SIPA1L1: variants seen among roughly 807,000 people sequenced by gnomAD.
SIPA1L1 encodes the protein signal-induced proliferation-associated 1-like protein 1.
SIPA1L1 carries 26 observed loss-of-function variants against 162.7 expected under a neutral mutation model. The ratio of observed to expected loss-of-function variants is 0.16; its 90% confidence interval spans 0.12 to 0.22. SIPA1L1 has a LOEUF of 0.22. Ranked by LOEUF, SIPA1L1 falls within the 10% of genes least tolerant of loss-of-function variation. The probability of loss-of-function intolerance (pLI) is 1.00; values close to 1 mark genes in which losing one functional copy is unlikely to be tolerated. For synonymous variants in SIPA1L1, 829 were observed against 837.4 expected (o/e 0.99, Z 0.17); for missense variants, 1,874 against 2,241.0 (o/e 0.84, Z 3.31).
At chr14:71,613,909 C>T (rs2038514232) in intron 5 of SIPA1L1, among the ~76,000 whole-genome samples, 1 of 152,008 alleles carries the variant, frequency 6.6e-6, no homozygotes, top group Admixed American at 6.6e-5. Flanking sequence ...TAGCTTAGAT[C>T]TCAAAATTGT....
At chr14:71,674,862 C>T (rs1295914583) in intron 12 of SIPA1L1, among the ~76,000 whole-genome samples, 1 of 151,752 alleles carries the variant, frequency 6.6e-6, no homozygotes, top group East Asian at 1.9e-4. Flanking sequence ...CCGCGCCCGG[C>T]CGCATTCCTG....
At chr14:71,572,136 A>G (rs1262547185) in intron 4 of SIPA1L1, among the ~76,000 whole-genome samples, 1 of 152,032 alleles carries the variant, frequency 6.6e-6, no homozygotes, top group Non-Finnish European at 1.5e-5. Context: ...TAAAGCTACC[A>G]GTTCTACTCC....
chr14:71,596,328 G>C (rs529119517), intron 5 of SIPA1L1, among the ~76,000 whole-genome samples: 4 of 152,246 alleles, frequency 2.6e-5, no homozygotes, highest in Admixed American at 2.6e-4. Flanking sequence ...TATTGACTAG[G>C]GGCTGCCCAG....
intron 4 of SIPA1L1, among the ~76,000 whole-genome samples, chr14:71,584,184 T>A (rs2034300660): frequency 6.6e-6 from 1 of 151,950 alleles, no homozygotes; most frequent in South Asian, 2.1e-4. Flanking sequence ...CAAGAGAAAA[T>A]GAAGAAGCAC....
At chr14:71,357,944 T>A (rs1183807653) in intron 2 of SIPA1L1, among the ~76,000 whole-genome samples, 2 of 152,164 alleles carry the variant, frequency 1.3e-5, no homozygotes, top group Non-Finnish European at 2.9e-5. Flanking sequence ...ATTGGCCAGG[T>A]TGGTCTCGAA....
At chr14:71,445,458 A>G (rs141149164) in intron 2 of SIPA1L1, among the ~76,000 whole-genome samples, 217 of 151,884 alleles carry the variant, frequency 1.4e-3, no homozygotes, top group Non-Finnish European at 2.5e-3. Flanking sequence ...TAATTCTTGT[A>G]TCTAGAAACA....
At chr14:71,557,001 A>AT (rs2056410333) in intron 4 of SIPA1L1, among the ~76,000 whole-genome samples, 1 of 152,180 alleles carries the variant, frequency 6.6e-6, no homozygotes, top group African/African-American at 2.4e-5. Flanking sequence ...AGAGAGAGAG[A>AT]TTCTGTTTCC....
At chr14:71,684,649 G>A (rs1286373155) in intron 12 of SIPA1L1, among the ~76,000 whole-genome samples, 1 of 152,028 alleles carries the variant, frequency 6.6e-6, no homozygotes, top group African/African-American at 2.4e-5. Flanking sequence ...AGTGGTGGGG[G>A]TGTGAAGCTG....
chr14:71,326,451 C>T (rs1006231397), intron 2 of SIPA1L1, among the ~76,000 whole-genome samples: 12 of 152,138 alleles, frequency 7.9e-5, no homozygotes, highest in South Asian at 2.1e-4. Context: ...TTAGGTGATC[C>T]GCCTGCCTCA....
intron 7 of SIPA1L1, among the ~76,000 whole-genome samples, chr14:71,635,048 C>T (rs9972151): frequency 0.3 from 45,942 of 151,850 alleles, 7,536 homozygotes; most frequent in East Asian, 0.68. Flanking sequence ...GAGGCCGAGG[C>T]GGGTGGGTCA....
chr14:71,387,247 TCAAAA>T (rs2040400540), intron 2 of SIPA1L1, among the ~76,000 whole-genome samples: 2 of 17,182 alleles, frequency 1.2e-4, no homozygotes, highest in African/African-American at 3.8e-4. Flanking sequence ...AAACTCTGTC[TCAAAA>T]AAAAAAAAAA....
intron 10 of SIPA1L1, among the ~76,000 whole-genome samples, chr14:71,669,367 C>A (rs2044311463): frequency 6.6e-6 from 1 of 152,122 alleles, no homozygotes; most frequent in Non-Finnish European, 1.5e-5. Flanking sequence ...AAATCACACC[C>A]CCTGCTAAAC....
intron 2 of SIPA1L1, among the ~76,000 whole-genome samples, chr14:71,350,794 T>A (rs961690035): frequency 5.3e-5 from 8 of 152,166 alleles, no homozygotes; most frequent in Non-Finnish European, 1.0e-4. Context: ...AGGTTATTAG[T>A]TAGGGGAATG....
At chr14:71,503,051 G>A (rs987086228) in intron 2 of SIPA1L1, among the ~76,000 whole-genome samples, 98 of 152,216 alleles carry the variant, frequency 6.4e-4, no homozygotes, top group African/African-American at 2.3e-3. Context: ...AAATTTTGTA[G>A]TCATCATGTC....
At chr14:71,619,005 C>A in intron 6 of SIPA1L1, 118 bp downstream of exon 6, 2 of 1,054,534 alleles carry the variant, frequency 1.9e-6, no homozygotes, top group Non-Finnish European at 2.7e-6. Context: ...TTGGAGTAAG[C>A]AAAGTCCCCT....
chr14:71,337,839 A>C (rs1444988315), intron 2 of SIPA1L1, among the ~76,000 whole-genome samples: 1 of 152,152 alleles, frequency 6.6e-6, no homozygotes, highest in African/African-American at 2.4e-5. Context: ...CCAGCTGTTC[A>C]GGAGGCTGAG....
chr14:71,587,425 C>A (rs1228618306), intron 4 of SIPA1L1, 146 bp from the exon 5 acceptor site: 2 of 386,804 alleles, frequency 5.2e-6, no homozygotes, highest in African/African-American at 4.2e-5. Flanking sequence ...TTCTTTCAAA[C>A]CTGCTTTACT....
intron 20 of SIPA1L1, among the ~76,000 whole-genome samples, chr14:71,732,997 G>T (rs2084940813): frequency 6.6e-6 from 1 of 152,204 alleles, no homozygotes; most frequent in Admixed American, 6.5e-5. Context: ...CGGATTACGA[G>T]GTCAGGAGTT....
In SIPA1L1 at chr14:71,382,656, G is replaced by GT. The variant is rs558703101; in HGVS notation, c.-465+61484dup. 1.5e-3 allele frequency among the ~76,000 whole-genome samples: 220 copies of GT among 151,256 alleles called. 1 individual carries two copies. The highest frequency in any genetic ancestry group is 2.5e-3 in the Non-Finnish European group (172 of 67,742). On this transcript the variant is annotated intron_variant, in intron 2 of 23. Coordinates refer to ENST00000381232, the MANE Select transcript of SIPA1L1 (RefSeq NM_001386936.1). The stretch of plus-strand genomic sequence containing the variant: ...TCTCAGAGTTTCTCCCTCGGTAAGG[G>GT]TTTTTTTTTGTAATTAGGATGAATT...
Sources: allele counts gnomAD v4.1 joint callset (sites outside exome capture counted in the v4.1 genomes callset), GRCh38; gene constraint gnomAD v4.1.1; transcripts MANE v1.5; gene names NCBI Gene and HGNC (gene_info 2026-07-23, HGNC 2026-07-21).